The following SLC35F1 variants were observed in gnomAD, a reference collection of about 807,000 sequenced individuals.
The protein encoded by SLC35F1 is solute carrier family 35 member F1.
A neutral mutation model predicts 48.7 loss-of-function variants in SLC35F1; 14 were observed. The ratio of observed to expected loss-of-function variants is 0.29; its 90% CI spans 0.19 to 0.45. The LOEUF is 0.45. SLC35F1 is among the 20% of genes least tolerant of loss of function. The pLI is 1.00. For synonymous variants in SLC35F1, 190 were observed against 202.2 expected (o/e 0.94, Z 0.51); for missense variants, 404 against 500.0 (o/e 0.81, Z 1.83).
At chr6:118,085,439 T>C (rs982724232) in intron 1 of SLC35F1, among the ~76,000 whole-genome samples, 2 of 151,746 alleles carry the variant, frequency 1.3e-5, no homozygotes, top group Non-Finnish European at 1.5e-5. Context: ...ATTTTGCTAA[T>C]TGTGTAATCA....
At chr6:117,944,934 A>G (rs1050329931) in intron 1 of SLC35F1, among the ~76,000 whole-genome samples, 8 of 152,178 alleles carry the variant, frequency 5.3e-5, no homozygotes, top group African/African-American at 1.9e-4. Flanking sequence ...CTTAGGGGGC[A>G]GAGGGCATTT....
chr6:118,000,668 T>G (rs1777078274), intron 1 of SLC35F1, among the ~76,000 whole-genome samples: 1 of 152,232 alleles, frequency 6.6e-6, no homozygotes, highest in African/African-American at 2.4e-5. Flanking sequence ...TGTCCCTGTT[T>G]GCAGATGACA....
At chr6:117,952,646 G>A (rs1182188331) in intron 1 of SLC35F1, among the ~76,000 whole-genome samples, 1 of 152,096 alleles carries the variant, frequency 6.6e-6, no homozygotes, top group African/African-American at 2.4e-5. Context: ...CATCAAACTC[G>A]AGACTGGAGA....
chr6:118,240,614 T>C (rs549787421), intron 3 of SLC35F1, among the ~76,000 whole-genome samples: 1 of 152,268 alleles, frequency 6.6e-6, no homozygotes, highest in Non-Finnish European at 1.5e-5. Context: ...AATGAAGACA[T>C]AATCAAGAAT....
intron 3 of SLC35F1, among the ~76,000 whole-genome samples, chr6:118,264,181 T>C (rs1401152332): frequency 6.6e-6 from 1 of 152,216 alleles, no homozygotes; most frequent in African/African-American, 2.4e-5. Context: ...GGCCCAGCAA[T>C]GCTAACTGCC....
intron 3 of SLC35F1, among the ~76,000 whole-genome samples, chr6:118,264,711 G>A (rs1489532009): frequency 6.6e-6 from 1 of 152,234 alleles, no homozygotes; most frequent in African/African-American, 2.4e-5. Flanking sequence ...CCCTAATTCT[G>A]TAGTGTGCAG....
At chr6:118,053,208 C>T (rs1159222349) in intron 1 of SLC35F1, among the ~76,000 whole-genome samples, 5 of 152,192 alleles carry the variant, frequency 3.3e-5, no homozygotes, top group African/African-American at 9.7e-5. Flanking sequence ...TGAAAGTCCT[C>T]TGCCCTCTGG....
intron 1 of SLC35F1, among the ~76,000 whole-genome samples, chr6:118,066,652 A>C (rs1772617950): frequency 6.6e-6 from 1 of 152,064 alleles, no homozygotes; most frequent in South Asian, 2.1e-4. Flanking sequence ...AATTGGAGGT[A>C]ATTTGTTTTG....
chr6:117,919,427 AG>A, intron 1 of SLC35F1, among the ~76,000 whole-genome samples: 1 of 152,330 alleles, frequency 6.6e-6, no homozygotes, highest in Non-Finnish European at 1.5e-5. Flanking sequence ...AAAGCTGCCA[AG>A]CACCATGTAA....
chr6:117,971,190 G>A (rs1180376348), intron 1 of SLC35F1, among the ~76,000 whole-genome samples: 1 of 152,180 alleles, frequency 6.6e-6, no homozygotes, highest in Admixed American at 6.5e-5. Context: ...GGGGCTACAG[G>A]CCTCGTGCAA....
At chr6:117,982,846 T>C (rs1187141077) in intron 1 of SLC35F1, among the ~76,000 whole-genome samples, 1 of 152,192 alleles carries the variant, frequency 6.6e-6, no homozygotes, top group Non-Finnish European at 1.5e-5. Flanking sequence ...TTTTTTTTTC[T>C]CCAAATTTTC....
intron 1 of SLC35F1, 86 bp from the exon 2 acceptor site, chr6:118,154,359 T>C: frequency 8.6e-7 from 1 of 1,158,228 alleles, no homozygotes; most frequent in South Asian, 1.5e-5. Context: ...CAGTGCATGC[T>C]ACCAGTGCTC....
chr6:118,150,504 A>G (rs1187845084), intron 1 of SLC35F1, among the ~76,000 whole-genome samples: 1 of 152,214 alleles, frequency 6.6e-6, no homozygotes, highest in Non-Finnish European at 1.5e-5. Context: ...AAGGCATAGC[A>G]TATTGCCAAA....
intron 2 of SLC35F1, among the ~76,000 whole-genome samples, chr6:118,168,073 G>A (rs189761886): frequency 4.6e-5 from 7 of 152,194 alleles, no homozygotes; most frequent in South Asian, 2.1e-4. Flanking sequence ...GGGATTTTGC[G>A]CAAAGGGACC....
chr6:118,129,416 C>T (rs1464866164), intron 1 of SLC35F1, among the ~76,000 whole-genome samples: 1 of 152,122 alleles, frequency 6.6e-6, no homozygotes, highest in Non-Finnish European at 1.5e-5. Flanking sequence ...GAGGAAGTTG[C>T]AGTGTCAAGG....
intron 2 of SLC35F1, among the ~76,000 whole-genome samples, chr6:118,180,583 G>T (rs1012324322): frequency 6.6e-6 from 1 of 151,938 alleles, no homozygotes; most frequent in Non-Finnish European, 1.5e-5. Flanking sequence ...CCAATATAGA[G>T]ATAAAACAAC....
intron 1 of SLC35F1, among the ~76,000 whole-genome samples, chr6:118,128,882 C>G (rs938963852): frequency 2.4e-4 from 37 of 151,932 alleles, no homozygotes; most frequent in Non-Finnish European, 5.9e-5. Flanking sequence ...CTGCACTAGG[C>G]TACTTTAAAG....
intron 1 of SLC35F1, among the ~76,000 whole-genome samples, chr6:118,133,461 A>C (rs1319817668): frequency 6.6e-6 from 1 of 152,206 alleles, no homozygotes; most frequent in Non-Finnish European, 1.5e-5. Context: ...CTAGAAAAGA[A>C]AATGAATTTC....
At chr6:118,230,024 A>C (rs1775266954) in intron 2 of SLC35F1, among the ~76,000 whole-genome samples, 1 of 152,214 alleles carries the variant, frequency 6.6e-6, no homozygotes, top group East Asian at 1.9e-4. Context: ...CTCTATATCA[A>C]TTATAATGAT....
Sources: gnomAD v4.1 joint callset for allele counts (sites outside exome capture counted in the v4.1 genomes callset) on GRCh38, gnomAD v4.1.1 for gene constraint, MANE v1.5 for transcripts, NCBI Gene and HGNC (gene_info 2026-07-23, HGNC 2026-07-21) for gene names.